The following PRKN variants were observed in gnomAD, a reference collection of about 807,000 sequenced individuals.
PRKN encodes the protein E3 ubiquitin-protein ligase parkin.
Under a neutral mutation model 59.5 loss-of-function variants are expected in PRKN, and 56 were observed. The ratio of observed to expected loss-of-function variants is 0.94; its 90% CI spans 0.76 to 1.18. The LOEUF is 1.18. Among genes scored for constraint, PRKN ranks in the 50% most tolerant of loss-of-function variants. The probability of loss-of-function intolerance (pLI) is 0.00; values close to 1 mark genes in which losing one functional copy is unlikely to be tolerated. For synonymous variants in PRKN, 250 were observed against 222.1 expected, an observed-to-expected ratio of 1.13 and a Z score of -1.12; for missense variants, 657 against 596.4, an observed-to-expected ratio of 1.10 and a Z score of -1.06.
chr6:162,727,660 A>T lies in PRKN; in HGVS notation c.7+2T>A. 1 of 1,585,028 alleles carries T rather than the reference A, an allele frequency of 6.3e-7. No homozygotes were observed. Among genetic ancestry groups the T allele is most frequent in the Non-Finnish European group, 8.6e-7 (1 of 1,166,652 alleles). ...GGCTGTACCTGGCAGGTACCCACGTACCTATCATGGTCACTGGGTAGGTGG... is the reference window on the plus strand; with the variant it reads ...GGCTGTACCTGGCAGGTACCCACGTTCCTATCATGGTCACTGGGTAGGTGG... On this transcript the variant is annotated splice_donor_variant, in intron 1 of 11. Coordinates refer to ENST00000366898, the MANE Select transcript of PRKN (RefSeq NM_004562.3). LOFTEE classifies it high-confidence loss of function.
rs1168995728 is a variant in PRKN, at chr6:161,371,525, C to T, written c.1168-11320G>A. On this transcript the variant is annotated intron_variant, in intron 10 of 11. Coordinates refer to ENST00000366898, the MANE Select transcript of PRKN (RefSeq NM_004562.3). The surrounding 1 kb of genome is among the most constrained non-coding windows in gnomAD (Gnocchi z 5.5). ...TGTTGGGATTTAATGGGGTGTCTAG[C>T]CAAGGGCTCCGGGGAATACAAGGCT... 6.6e-6 allele frequency among the ~76,000 whole-genome samples: 1 copy of T among 151,984 alleles called. No homozygotes were observed. The highest frequency in any genetic ancestry group is 2.4e-5 in the African/African-American group (1 of 41,368).
chr6:162,727,333 G>GGGC, intron 1 of PRKN: 2 of 391,818 alleles, frequency 5.1e-6, no homozygotes, highest in South Asian at 3.8e-5. Flanking sequence ...GGCGGCGGCG[G>GGGC]GGAGAAGGCT....
At chr6:162,043,289 C>T (rs1258978762) in intron 5 of PRKN, among the ~76,000 whole-genome samples, 1 of 151,974 alleles carries the variant, frequency 6.6e-6, no homozygotes, top group Non-Finnish European at 1.5e-5. Flanking sequence ...TATCAATAAC[C>T]CTGAGGAAAA....
intron 5 of PRKN, 92 bp from the exon 6 acceptor site, chr6:161,973,509 G>A: frequency 1.3e-6 from 1 of 752,264 alleles, no homozygotes; most frequent in Non-Finnish European, 2.4e-6. Context: ...CTTTGGACAA[G>A]AGAAGAAATC....
intron 1 of PRKN, among the ~76,000 whole-genome samples, chr6:162,638,853 T>A (rs1472226792): frequency 1.3e-5 from 2 of 149,738 alleles, no homozygotes; most frequent in African/African-American, 4.9e-5. Flanking sequence ...CAAGCGATTC[T>A]CCTGCCTCGG....
chr6:161,767,387 G>A (rs569136308), intron 7 of PRKN, among the ~76,000 whole-genome samples: 2 of 152,104 alleles, frequency 1.3e-5, no homozygotes, highest in South Asian at 4.1e-4. Flanking sequence ...TGTGGTGGCG[G>A]GCGCCTGTAG....
At chr6:162,693,503 G>A (rs375381955) in intron 1 of PRKN, among the ~76,000 whole-genome samples, 1 of 152,212 alleles carries the variant, frequency 6.6e-6, no homozygotes, top group African/African-American at 2.4e-5. Context: ...ACAGATGTGA[G>A]GGCGGGGACA....
At chr6:161,706,596 C>CTT (rs35739265) in intron 7 of PRKN, among the ~76,000 whole-genome samples, 6 of 151,320 alleles carry the variant, frequency 4.0e-5, no homozygotes, top group Non-Finnish European at 5.9e-5. Flanking sequence ...TTCCAGGTGA[C>CTT]TTTTTTTTTA....
rs1418704055 is a variant in PRKN at position 161,462,995 on chromosome 6, G to T, written c.1084-76118C>A. 6.6e-6 allele frequency among the ~76,000 whole-genome samples: 1 copy of T among 152,158 alleles called. No individual in the cohort carries two copies. Among genetic ancestry groups the T allele is most frequent in the Non-Finnish European group, 1.5e-5 (1 of 68,026 alleles). ...TCAGAAGTTCTATGTATAGTAGACT[G>T]CAATGTACTGGAAGCAACAGGAAAG... On this transcript the variant is annotated intron_variant, in intron 9 of 11. Coordinates refer to ENST00000366898, the MANE Select transcript of PRKN (RefSeq NM_004562.3). The surrounding 1 kb of genome is among the most constrained non-coding windows in gnomAD (Gnocchi z 4.5).
chr6:161,778,841 G>A (rs534703023), intron 7 of PRKN, among the ~76,000 whole-genome samples: 78 of 152,272 alleles, frequency 5.1e-4, no homozygotes, highest in African/African-American at 1.7e-3. Flanking sequence ...AAGCCTTCCC[G>A]TAGCAGTCCA....
intron 7 of PRKN, among the ~76,000 whole-genome samples, chr6:161,590,655 C>T (rs1437540601): frequency 2.0e-5 from 3 of 152,042 alleles, no homozygotes; most frequent in Admixed American, 6.5e-5. Flanking sequence ...ATTGCTTGAA[C>T]CCAGGAGGTG....
chr6:161,740,973 C>A (rs111694408), intron 7 of PRKN, among the ~76,000 whole-genome samples: 1 of 152,156 alleles, frequency 6.6e-6, no homozygotes, highest in Non-Finnish European at 1.5e-5. Flanking sequence ...AAAATACTCA[C>A]GGACCTAGCT....
At chr6:161,954,946 A>G (rs1050329497) in intron 6 of PRKN, among the ~76,000 whole-genome samples, 2 of 152,200 alleles carry the variant, frequency 1.3e-5, no homozygotes, top group African/African-American at 4.8e-5. Context: ...CCATGGCTCA[A>G]TGTGAAAGGC....
At chr6:161,517,231 G>A (rs369485036) in intron 9 of PRKN, among the ~76,000 whole-genome samples, 6 of 152,112 alleles carry the variant, frequency 3.9e-5, no homozygotes, top group African/African-American at 1.4e-4. Flanking sequence ...CTGGGGCAGG[G>A]TTCCGTGTGA....
At chr6:162,012,867 T>C (rs1235153214) in intron 5 of PRKN, among the ~76,000 whole-genome samples, 1 of 152,156 alleles carries the variant, frequency 6.6e-6, no homozygotes, top group Non-Finnish European at 1.5e-5. Context: ...AGGAGACACA[T>C]GCTATCGTTT....
At chr6:162,707,428 C>T (rs982345071) in intron 1 of PRKN, among the ~76,000 whole-genome samples, 4 of 152,110 alleles carry the variant, frequency 2.6e-5, no homozygotes, top group Non-Finnish European at 2.9e-5. Context: ...CTGTATTTAC[C>T]ATGGCAGGAA....
intron 3 of PRKN, among the ~76,000 whole-genome samples, chr6:162,220,047 T>C (rs1275703487): frequency 6.6e-6 from 1 of 152,136 alleles, no homozygotes; most frequent in African/African-American, 2.4e-5. Flanking sequence ...TAAATGGTGC[T>C]GGGATAACAG....
chr6:162,695,577 A>T (rs1777938023), intron 1 of PRKN, among the ~76,000 whole-genome samples: 1 of 152,182 alleles, frequency 6.6e-6, no homozygotes, highest in Admixed American at 6.5e-5. Flanking sequence ...ATTCATTTTT[A>T]AAAAACTCTT....
At chr6:161,590,217 C>T (rs1439556146) in intron 7 of PRKN, among the ~76,000 whole-genome samples, 2 of 152,138 alleles carry the variant, frequency 1.3e-5, no homozygotes, top group Non-Finnish European at 2.9e-5. Context: ...CCAAGTAATC[C>T]AAGTTCATCC....
Sources: allele counts gnomAD v4.1 joint callset (sites outside exome capture counted in the v4.1 genomes callset), GRCh38; gene constraint gnomAD v4.1.1; non-coding constraint Gnocchi (gnomAD v3.1); transcripts MANE v1.5; gene names NCBI Gene and HGNC (gene_info 2026-07-23, HGNC 2026-07-21).